ARFGEF1: variants seen among roughly 807,000 people sequenced by gnomAD.
The protein encoded by ARFGEF1 is ARF guanine nucleotide exchange factor 1.
ARFGEF1 carries 42 observed loss-of-function variants against 231.0 expected under a neutral mutation model. The ratio of observed to expected loss-of-function variants is 0.18; its 90% confidence interval spans 0.14 to 0.24. The LOEUF is 0.24. Ranked by LOEUF, ARFGEF1 falls within the 10% of genes least tolerant of loss-of-function variation. The probability of loss-of-function intolerance (pLI) is 1.00; values close to 1 mark genes in which losing one functional copy is unlikely to be tolerated. For synonymous variants in ARFGEF1, 710 were observed against 732.3 expected (o/e 0.97, Z 0.49); for missense variants, 1,345 against 2,192.0 (o/e 0.61, Z 7.72).
chr8:67,323,655 C>T (rs1807696677), intron 1 of ARFGEF1, among the ~76,000 whole-genome samples: 1 of 152,158 alleles, frequency 6.6e-6, no homozygotes, highest in South Asian at 2.1e-4. Context: ...TCCTCACACC[C>T]AAACATTTAT....
intron 1 of ARFGEF1, among the ~76,000 whole-genome samples, chr8:67,329,529 A>AAAATAAATAAAT (rs755348912): frequency 3.2e-4 from 46 of 146,018 alleles, no homozygotes; most frequent in South Asian, 1.1e-3. Flanking sequence ...ACTCCATCTC[A>AAAATAAATAAAT]AAATAAATAA....
At chr8:67,266,331 A>G in intron 13 of ARFGEF1, 124 bp from the exon 14 acceptor site, 1 of 695,152 alleles carries the variant, frequency 1.4e-6, no homozygotes, top group Non-Finnish European at 2.4e-6. Context: ...TTAATACAAA[A>G]TAACTATTAG....
intron 33 of ARFGEF1, among the ~76,000 whole-genome samples, chr8:67,216,017 T>C (rs1336394405): frequency 6.6e-6 from 1 of 152,250 alleles, no homozygotes; most frequent in African/African-American, 2.4e-5. Context: ...AAAATCATTT[T>C]GTTCTATGTC....
At chr8:67,316,837 C>T (rs1299733130) in intron 1 of ARFGEF1, among the ~76,000 whole-genome samples, 1 of 152,150 alleles carries the variant, frequency 6.6e-6, no homozygotes, top group Admixed American at 6.5e-5. Flanking sequence ...CTTGACACTT[C>T]CTGACAGGAG....
chr8:67,253,597 T>C lies in ARFGEF1; in HGVS notation c.2552A>G (p.Gln851Arg), dbSNP rs745807755. The change falls in exon 18 of 39, where the codon CAA becomes CGA. Residue 851 changes from glutamine (Q) to arginine (R), a missense_variant. By Grantham distance (43) the Gln-to-Arg change is conservative. Around this residue, in one of 14 missense-constraint regions of ARFGEF1, gnomAD observed 58 missense variants for 133.6 expected, o/e 0.43. Transcript: ENST00000262215. ...PQVKNKMTKE[Q>R]YIKMNRGIND... is the part of the protein sequence containing the mutation. ...GATACCTCTATTCATCTTAATGTATTGTTCCTTTGTCATTTTATTTTTCAC... is the reference window on the plus strand; with the variant it reads ...GATACCTCTATTCATCTTAATGTATCGTTCCTTTGTCATTTTATTTTTCAC... The C allele has an allele frequency of 1.3e-6, 2 of 1,520,780 alleles. No individual in the cohort carries two copies. The highest frequency in any genetic ancestry group is 1.8e-6 in the Non-Finnish European group (2 of 1,124,952). 94.2% of individuals were successfully genotyped at this position (1,520,780 alleles called of 1,614,324 possible). A position where few individuals can be genotyped will look rare whatever the true frequency, so the allele number is the denominator to read the frequency against.
chr8:67,198,682 A>G lies in ARFGEF1; in HGVS notation c.*252T>C, dbSNP rs748530236. 23 of 1,191,608 alleles carry G rather than the reference A, an allele frequency of 1.9e-5. No homozygotes were observed. Among genetic ancestry groups the G allele is most frequent in the East Asian group, 1.0e-4 (2 of 19,586 alleles). 73.8% of individuals were successfully genotyped at this position (1,191,608 alleles called of 1,614,324 possible). On this transcript the variant is annotated 3_prime_UTR_variant, in exon 39 of 39. Transcript: ENST00000262215. ...CTTTTCCTGCCGTGGAAGACAGGGA[A>G]GGACCCGTGAGCATGAGCTGACACT...
intron 10 of ARFGEF1, among the ~76,000 whole-genome samples, chr8:67,268,079 G>GT (rs1804922990): frequency 6.6e-6 from 1 of 152,116 alleles, no homozygotes; most frequent in Non-Finnish European, 1.5e-5. Flanking sequence ...AGATTTAAAT[G>GT]TATTCTATAA....
chr8:67,312,937 G>A (rs907676164), intron 1 of ARFGEF1, among the ~76,000 whole-genome samples: 4 of 152,016 alleles, frequency 2.6e-5, no homozygotes, highest in African/African-American at 7.3e-5. Flanking sequence ...AACTCCAGCA[G>A]AACAATCAAA....
Position 67,277,400 on chromosome 8 carries a change from T to G in ARFGEF1, c.1085A>C (p.Glu362Ala). The change falls in exon 8 of 39, where the codon GAG (glutamate) becomes GCG (alanine). Residue 362 changes from glutamate (E) to alanine (A), a missense_variant. By Grantham distance (107) the Glu-to-Ala change is moderately radical. Around this residue, in one of 14 missense-constraint regions of ARFGEF1, gnomAD observed 398 missense variants for 463.2 expected, o/e 0.86. Coordinates refer to ENST00000262215, the MANE Select transcript of ARFGEF1 (RefSeq NM_006421.5). ...ASADGNIGTI[E>A]DGSDSENIQA... is the part of the protein sequence containing the mutation. The stretch of plus-strand genomic sequence containing the variant: ...AATATTTTCACTGTCACTACCATCC[T>G]CTATAGTTCCAATGTTGCCATCTGC... 6.2e-7 allele frequency: 1 copy of G among 1,613,872 alleles called. No homozygotes were observed. The highest frequency in any genetic ancestry group is 8.5e-7 in the Non-Finnish European group (1 of 1,179,838).
chr8:67,197,464 A>C (rs1367900990), downstream of ARFGEF1, among the ~76,000 whole-genome samples: 1 of 152,126 alleles, frequency 6.6e-6, no homozygotes, highest in Non-Finnish European at 1.5e-5. Flanking sequence ...GATAAATAAA[A>C]ATTTTAAAAA....
intron 1 of ARFGEF1, among the ~76,000 whole-genome samples, chr8:67,312,070 A>G (rs1033789246): frequency 2.0e-5 from 3 of 151,986 alleles, no homozygotes; most frequent in Non-Finnish European, 4.4e-5. Flanking sequence ...ACCACTCCCT[A>G]ATCTCAAGTA....
intron 1 of ARFGEF1, among the ~76,000 whole-genome samples, chr8:67,323,941 C>T (rs929364831): frequency 6.6e-6 from 1 of 152,054 alleles, no homozygotes; most frequent in African/African-American, 2.4e-5. Context: ...GCTGGGACTA[C>T]AGGCACCTGC....
At chr8:67,303,545 T>C (rs1806597275) in intron 1 of ARFGEF1, among the ~76,000 whole-genome samples, 3 of 151,968 alleles carry the variant, frequency 2.0e-5, no homozygotes, top group South Asian at 4.1e-4. Flanking sequence ...ACATCGTCTC[T>C]ACTAAAAACA....
chr8:67,221,409 T>G (rs553212326), intron 29 of ARFGEF1, among the ~76,000 whole-genome samples: 1 of 152,288 alleles, frequency 6.6e-6, no homozygotes, highest in South Asian at 2.1e-4. Flanking sequence ...CTGATGATCC[T>G]GACCCTGTGT....
At chr8:67,225,769 T>C (rs1424629521) in intron 28 of ARFGEF1, among the ~76,000 whole-genome samples, 2 of 152,108 alleles carry the variant, frequency 1.3e-5, no homozygotes, top group Admixed American at 1.3e-4. Flanking sequence ...TATAACACTA[T>C]CTACCCCATA....
At chr8:67,210,687 G>A (rs907501208) in intron 34 of ARFGEF1, among the ~76,000 whole-genome samples, 1 of 152,188 alleles carries the variant, frequency 6.6e-6, no homozygotes, top group Admixed American at 6.5e-5. Flanking sequence ...TTCAGGATCA[G>A]CAGAGTTCTT....
In ARFGEF1 at chr8:67,204,838, C is replaced by CA. The variant is rs768218031; in HGVS notation, c.4820-20dup. 8.7e-6 allele frequency: 14 copies of CA among 1,611,830 alleles called. No individual in the cohort carries two copies. Among genetic ancestry groups the CA allele is most frequent in the South Asian group, 1.1e-5 (1 of 90,686 alleles). The stretch of plus-strand genomic sequence containing the variant: ...GGAAATTCTGTGAGGAAACCCCCCC[C>CA]AATGCACATGCAAACAAAAAATTAT... On this transcript the variant is annotated intron_variant, in intron 34 of 38. Transcript: ENST00000262215.
At chr8:67,298,077 A>G (rs973551718) in intron 4 of ARFGEF1, among the ~76,000 whole-genome samples, 5 of 151,648 alleles carry the variant, frequency 3.3e-5, no homozygotes, top group African/African-American at 1.2e-4. Context: ...AAGTGCTGGG[A>G]TTACAGGCAT....
Position 67,296,583 on chromosome 8 carries a change from G to T in ARFGEF1, c.487C>A (p.His163Asn), listed in dbSNP as rs748428891. Residue 163 changes from histidine (H) to asparagine (N), a missense_variant, in exon 5 of 39, where the codon CAC (histidine) becomes AAC (asparagine). This residue lies in a region of ARFGEF1 where 398 missense variants were observed against 463.2 expected (regional missense o/e 0.86). Coordinates refer to ENST00000262215, the MANE Select transcript of ARFGEF1 (RefSeq NM_006421.5). ...ACAGTCCCTTCATGAATTTCTATGT[G>T]TTGTGATGTTACTGCAGTAAGTAAA... ...KALLTAVTSQ[H>N]IEIHEGTVLQ... 1 of 1,611,508 alleles carries T rather than the reference G, an allele frequency of 6.2e-7. No individual in the cohort carries two copies. Among genetic ancestry groups the T allele is most frequent in the African/African-American group, 1.3e-5 (1 of 74,764 alleles).
Sources: allele counts gnomAD v4.1 joint callset (sites outside exome capture counted in the v4.1 genomes callset), GRCh38; gene constraint gnomAD v4.1.1; regional missense constraint gnomAD v4.1.1; transcripts MANE v1.5; gene names NCBI Gene and HGNC (gene_info 2026-07-23, HGNC 2026-07-21).